Variants in PCDHAC1 observed in about 807,000 individuals in gnomAD.
PCDHAC1 encodes the protein protocadherin alpha-C1.
PCDHAC1 carries 42 observed loss-of-function variants against 60.0 expected under a neutral mutation model. That is an observed-to-expected ratio of 0.70 (90% CI 0.55 to 0.90). The LOEUF is 0.90. PCDHAC1 is among the 40% of genes least tolerant of loss of function. PCDHAC1 has a pLI of 0.00. For missense variants in PCDHAC1, 1,160 were observed against 1,222.3 expected (o/e 0.95, Z 0.76); for synonymous variants, 468 against 499.3 (o/e 0.94, Z 0.84).
rs142720081 is a variant in PCDHAC1, at chr5:141,009,771, T to G, written c.2726T>G (p.Ile909Ser). 1 of 1,614,082 alleles carries G rather than the reference T, an allele frequency of 6.2e-7. No individual in the cohort carries two copies. The change falls in exon 4 of 4, where the codon ATC becomes AGC. Residue 909 changes from isoleucine to serine, a missense_variant. Physicochemically the swap from Ile to Ser is moderately radical, Grantham distance 142. Transcript: ENST00000253807. ...DKFIIPGSPA[I>S]ISIRQEPTNS... ...TTCATTATCCCAGGATCTCCTGCAA[T>G]CATCTCCATCCGGCAGGAGCCTACT...
rs1310141347 is a variant in PCDHAC1, at chr5:140,970,963, T to C, written c.2434-7986T>C. ...TGCTGAGAAACCATGGGAGGCAGAT[T>C]GTAGATTAAGAAAAATGGGGGAATA... On this transcript the variant is annotated intron_variant, in intron 1 of 3. Coordinates refer to ENST00000253807, the MANE Select transcript of PCDHAC1 (RefSeq NM_018898.5). Among the ~76,000 whole-genome samples, 41 of 152,180 alleles carry C rather than the reference T, an allele frequency of 2.7e-4. 1 individual carries two copies. Among genetic ancestry groups the C allele is most frequent in the Admixed American group, 2.7e-3 (41 of 15,274 alleles).
Position 140,978,986 on chromosome 5 carries a change from C to A in PCDHAC1, c.2471C>A (p.Ser824Tyr). The change falls in exon 2 of 4, where the codon TCC becomes TAC. Residue 824 changes from serine (S) to tyrosine (Y), a missense_variant. Ser to Tyr is a moderately radical substitution (Grantham distance 144). Coordinates refer to ENST00000253807, the MANE Select transcript of PCDHAC1 (RefSeq NM_018898.5). ...AACCCTGACTGGCGTTACTCTGCCT[C>A]CCTGAGAGCAGGCATGCACAGGTAT... ...QPNPDWRYSA[S>Y]LRAGMHSSVH... is the part of the protein sequence containing the mutation. The A allele has an allele frequency of 6.2e-7, 1 of 1,614,190 alleles. No homozygotes were observed. The highest frequency in any genetic ancestry group is 1.7e-5 in the Admixed American group (1 of 60,026).
chr5:140,932,063 T>C (rs1020375496), intron 1 of PCDHAC1, among the ~76,000 whole-genome samples: 8 of 151,942 alleles, frequency 5.3e-5, no homozygotes, highest in African/African-American at 1.4e-4. Context: ...CTAAAAATTA[T>C]CAGTTTAAGA....
intron 3 of PCDHAC1, among the ~76,000 whole-genome samples, chr5:140,992,085 TAGAGAA>T (rs1253503619): frequency 1.4e-5 from 2 of 146,836 alleles, no homozygotes; most frequent in Non-Finnish European, 3.0e-5. Flanking sequence ...TGAGCTAGAG[TAGAGAA>T]AGAGAATTAA....
At chr5:140,947,524 A>G (rs894259499) in intron 1 of PCDHAC1, among the ~76,000 whole-genome samples, 1 of 151,796 alleles carries the variant, frequency 6.6e-6, no homozygotes, top group Admixed American at 6.6e-5. Flanking sequence ...TTTAGAATCA[A>G]CTTTTCAATT....
At chr5:140,936,875 C>A (rs1052156307) in intron 1 of PCDHAC1, among the ~76,000 whole-genome samples, 1 of 151,950 alleles carries the variant, frequency 6.6e-6, no homozygotes, top group South Asian at 2.1e-4. Context: ...TTTAAAAAAC[C>A]CTGCTTTGAT....
chr5:140,968,089 C>T lies in PCDHAC1; in HGVS notation c.2434-10860C>T, dbSNP rs546330069. ...CTGTCTACAACATCACGGTGACAGC[C>T]ACAGATGGGGGAATACCGCAGCTCA... On this transcript the variant is annotated intron_variant, in intron 1 of 3. Transcript: ENST00000253807. 120 of 1,614,126 alleles carry T rather than the reference C, an allele frequency of 7.4e-5. 1 individual carries two copies. The South Asian group carries it at 1.2e-3, about 16-fold the overall frequency.
At chr5:140,989,325 G>A (rs1389327103) in intron 3 of PCDHAC1, among the ~76,000 whole-genome samples, 5 of 152,164 alleles carry the variant, frequency 3.3e-5, no homozygotes, top group African/African-American at 1.2e-4. Flanking sequence ...CACCAACTTT[G>A]CCACCTGACT....
chr5:140,981,940 T>A (rs2096958372), intron 2 of PCDHAC1, among the ~76,000 whole-genome samples: 1 of 152,160 alleles, frequency 6.6e-6, no homozygotes, highest in Non-Finnish European at 1.5e-5. Flanking sequence ...TCAGGAAATA[T>A]AGGGTGGGTC....
chr5:141,010,938 A>G lies in PCDHAC1; in HGVS notation c.*1001A>G, dbSNP rs1210392691. ...TCAAAAGAGAATTCAGTCTACAGCC[A>G]TTTAAATGATCATTGCTGCTACAGA... On this transcript the variant is annotated 3_prime_UTR_variant, in exon 4 of 4. Coordinates refer to ENST00000253807, the MANE Select transcript of PCDHAC1 (RefSeq NM_018898.5). 6 of 153,824 alleles carry G rather than the reference A, an allele frequency of 3.9e-5. No homozygotes were observed. Among genetic ancestry groups the G allele is most frequent in the African/African-American group, 1.4e-4 (6 of 41,470 alleles). The allele number at this position is 153,824 out of a possible 1,614,324, so 9.5% of individuals were successfully genotyped here. A position where few individuals can be genotyped will look rare whatever the true frequency, so the allele number is the denominator to read the frequency against.
chr5:140,979,383 T>C (rs2096847136), intron 2 of PCDHAC1, among the ~76,000 whole-genome samples: 1 of 152,220 alleles, frequency 6.6e-6, no homozygotes, highest in Admixed American at 6.5e-5. Context: ...CATTGTGCAA[T>C]GTATACATAC....
At chr5:140,967,958 CG>C in intron 1 of PCDHAC1, 1 of 1,614,182 alleles carries the variant, frequency 6.2e-7, no homozygotes, top group Non-Finnish European at 8.5e-7. Flanking sequence ...AGGCCCCAAC[CG>C]GAAAGTGAGC....
chr5:140,937,560 T>A (rs933672983), intron 1 of PCDHAC1, among the ~76,000 whole-genome samples: 1 of 152,060 alleles, frequency 6.6e-6, no homozygotes, highest in Non-Finnish European at 1.5e-5. Flanking sequence ...GAGGTTGCAG[T>A]GAGCTGGGAT....
In PCDHAC1 at chr5:140,971,075, T is replaced by C. The variant is rs560795307; in HGVS notation, c.2434-7874T>C. 1.4e-4 allele frequency among the ~76,000 whole-genome samples: 22 copies of C among 152,322 alleles called. No homozygotes were observed. The South Asian group carries it at 3.7e-3, about 26-fold the overall frequency. ...CTTTAAATAAGGTTGCTGTAGACAT[T>C]TGCTTAACAAATTCTTGTGAAGCCC... is the stretch of plus-strand genomic sequence containing the variant. On this transcript the variant is annotated intron_variant, in intron 1 of 3. Transcript: ENST00000253807.
chr5:140,986,154 A>G (rs2097188970), intron 3 of PCDHAC1, among the ~76,000 whole-genome samples: 1 of 152,182 alleles, frequency 6.6e-6, no homozygotes, highest in Non-Finnish European at 1.5e-5. Context: ...TCACCAAGTA[A>G]TGTTTTCTGC....
intron 1 of PCDHAC1, among the ~76,000 whole-genome samples, chr5:140,965,185 CAT>C (rs782612335): frequency 4.6e-5 from 7 of 152,138 alleles, no homozygotes; most frequent in Non-Finnish European, 1.0e-4. Flanking sequence ...TTTTTTTGCA[CAT>C]GAGGCAATAG....
chr5:140,993,234 A>AATCTG (rs1554253510), intron 3 of PCDHAC1, among the ~76,000 whole-genome samples: 1 of 152,130 alleles, frequency 6.6e-6, no homozygotes, highest in Non-Finnish European at 1.5e-5. Flanking sequence ...GTTCTCTCTG[A>AATCTG]ATCTGGGGAT....
intron 1 of PCDHAC1, among the ~76,000 whole-genome samples, chr5:140,960,579 C>G (rs2095556928): frequency 6.6e-6 from 1 of 152,052 alleles, no homozygotes; most frequent in South Asian, 2.1e-4. Context: ...AGTTGGAAAA[C>G]AGTTCAAATT....
intron 1 of PCDHAC1, among the ~76,000 whole-genome samples, chr5:140,948,364 G>C (rs1554218529): frequency 6.6e-6 from 1 of 151,472 alleles, no homozygotes; most frequent in African/African-American, 2.4e-5. Flanking sequence ...AAATGACTTA[G>C]GAGGTGTTCC....
Sources: allele counts gnomAD v4.1 joint callset (sites outside exome capture counted in the v4.1 genomes callset), GRCh38; gene constraint gnomAD v4.1.1; transcripts MANE v1.5; gene names NCBI Gene and HGNC (gene_info 2026-07-23, HGNC 2026-07-21).